Variants in SHANK2 observed in about 807,000 individuals in gnomAD.
SHANK2 encodes the protein SH3 and multiple ankyrin repeat domains 2.
A neutral mutation model predicts 133.7 loss-of-function variants in SHANK2; 43 were observed. That is an observed-to-expected ratio of 0.32 (90% confidence interval 0.25 to 0.41). The LOEUF (loss-of-function observed/expected upper bound fraction) is 0.41. Ranked by LOEUF, SHANK2 falls within the 10% of genes least tolerant of loss-of-function variation. The pLI is 1.00. For synonymous variants in SHANK2, 1,017 were observed against 952.8 expected (o/e 1.07, Z -1.24); for missense variants, 1,994 against 2,235.8 (o/e 0.89, Z 2.18).
intron 12 of SHANK2, among the ~76,000 whole-genome samples, chr11:70,818,618 G>A (rs1453946117): frequency 2.0e-5 from 3 of 152,140 alleles, no homozygotes; most frequent in African/African-American, 7.2e-5. Context: ...GCTTCCCATT[G>A]TTCTCAGCAC....
At chr11:70,857,322 G>C (rs1289556855) in intron 11 of SHANK2, among the ~76,000 whole-genome samples, 1 of 152,180 alleles carries the variant, frequency 6.6e-6, no homozygotes, top group Non-Finnish European at 1.5e-5. Context: ...ACAGGACTTA[G>C]CACCCAGTAA....
intron 2 of SHANK2, among the ~76,000 whole-genome samples, chr11:71,213,145 A>C (rs1387241910): frequency 6.6e-6 from 1 of 152,046 alleles, no homozygotes; most frequent in Non-Finnish European, 1.5e-5. Context: ...GAGGTTCTTT[A>C]CAGAGAACAA....
chr11:71,184,607 A>T (rs1953634579), intron 2 of SHANK2, among the ~76,000 whole-genome samples: 1 of 151,960 alleles, frequency 6.6e-6, no homozygotes, highest in African/African-American at 2.4e-5. Flanking sequence ...CCCTTCTCAA[A>T]CCTGTGGCCA....
chr11:70,740,255 G>C (rs1783614), intron 14 of SHANK2, among the ~76,000 whole-genome samples: 90,234 of 152,158 alleles, frequency 0.59, 28,042 homozygotes, highest in African/African-American at 0.8. Context: ...CTTCTCTGCC[G>C]CTGCAGCCCA....
intron 3 of SHANK2, among the ~76,000 whole-genome samples, chr11:71,123,955 TCA>T (rs1387845514): frequency 6.6e-6 from 1 of 151,968 alleles, no homozygotes. Context: ...CTTAAAGAGT[TCA>T]GTGTCTACAG....
intron 10 of SHANK2, among the ~76,000 whole-genome samples, chr11:70,921,167 A>G (rs1020698177): frequency 6.6e-6 from 1 of 152,244 alleles, no homozygotes; most frequent in Non-Finnish European, 1.5e-5. Context: ...CTAGAGGCAG[A>G]TGAATGCTCC....
In SHANK2 at chr11:70,499,769, A is replaced by G. The variant is rs137981165; in HGVS notation, c.2308+801T>C. ...GCTGGTGCAAGCCCGGGGCTGCTGC[A>G]GAGAGGCCGCTGGGATGACACAGGT... On this transcript the variant is annotated intron_variant, in intron 21 of 25. Coordinates refer to ENST00000601538, the MANE Select transcript of SHANK2 (RefSeq NM_012309.5). 2.8e-4 allele frequency among the ~76,000 whole-genome samples: 42 copies of G among 152,326 alleles called. No homozygotes were observed. The East Asian group carries it at 7.5e-3, about 27-fold the overall frequency.
At chr11:71,150,623 T>A (rs1221469592) in intron 2 of SHANK2, among the ~76,000 whole-genome samples, 5 of 150,350 alleles carry the variant, frequency 3.3e-5, no homozygotes, top group Non-Finnish European at 7.4e-5. Flanking sequence ...ACATGAGGGA[T>A]CCCCCTAGGG....
chr11:70,585,785 T>A (rs1201933594), intron 17 of SHANK2, among the ~76,000 whole-genome samples: 1 of 151,100 alleles, frequency 6.6e-6, no homozygotes, highest in African/African-American at 2.4e-5. Context: ...CCTCTATCCA[T>A]CCATCCACTT....
At chr11:71,060,144 C>T (rs900684033) in intron 9 of SHANK2, among the ~76,000 whole-genome samples, 97 of 152,320 alleles carry the variant, frequency 6.4e-4, no homozygotes, top group East Asian at 5.0e-3. Flanking sequence ...TTCACGGGAA[C>T]ATCCGGCAAT....
intron 15 of SHANK2, among the ~76,000 whole-genome samples, chr11:70,671,259 C>T (rs111402203): frequency 0.012 from 1,901 of 152,188 alleles, 33 homozygotes; most frequent in African/African-American, 0.034. Flanking sequence ...CCTGCCGAGA[C>T]GAACGGAAAC....
intron 3 of SHANK2, among the ~76,000 whole-genome samples, chr11:71,123,880 C>T (rs573582791): frequency 4.3e-4 from 66 of 152,196 alleles, no homozygotes; most frequent in Non-Finnish European, 9.0e-4. Context: ...GCACAGGGTC[C>T]TATACCAGCA....
At position 71,094,912 on chromosome 11, in the gene SHANK2, C is replaced by T. The variant is rs367823207; in HGVS notation, c.593-224G>A. On this transcript the variant is annotated intron_variant, in intron 6 of 25. Coordinates refer to ENST00000601538, the MANE Select transcript of SHANK2 (RefSeq NM_012309.5). ...ACGCAGGGCCACGCGTACAACACAG[C>T]GGTGGCAGAGGCAGGGATTCAACAG... is the stretch of plus-strand genomic sequence containing the variant. Among the ~76,000 whole-genome samples, 122 of 152,352 alleles carry T rather than the reference C, an allele frequency of 8.0e-4. 1 individual carries two copies. Among genetic ancestry groups the T allele is most frequent in the Admixed American group, 4.1e-3 (63 of 15,308 alleles).
At chr11:70,498,469 T>G (rs1259185287) in intron 21 of SHANK2, among the ~76,000 whole-genome samples, 1 of 152,102 alleles carries the variant, frequency 6.6e-6, no homozygotes, top group Non-Finnish European at 1.5e-5. Flanking sequence ...CAGCCATAGG[T>G]GCCTGGTAGG....
chr11:70,495,677 T>C (rs1296370987), intron 21 of SHANK2, among the ~76,000 whole-genome samples: 1 of 152,202 alleles, frequency 6.6e-6, no homozygotes, highest in Non-Finnish European at 1.5e-5. Context: ...GCCCCTCCTC[T>C]GACCCCAGTG....
At chr11:70,814,391 G>A (rs1479862670) in intron 12 of SHANK2, among the ~76,000 whole-genome samples, 1 of 151,704 alleles carries the variant, frequency 6.6e-6, no homozygotes, top group Non-Finnish European at 1.5e-5. Flanking sequence ...CCCCTACTCT[G>A]CCAGCAGGGC....
In SHANK2 at chr11:70,635,689, T is replaced by A. The variant is rs76335623; in HGVS notation, c.2061+24139A>T. Among the ~76,000 whole-genome samples the A allele has an allele frequency of 7.5e-4, 114 of 152,096 alleles. No individual in the cohort carries two copies. In the East Asian group the frequency reaches 0.019, roughly 26 times the overall value. ...CACTGAAATGTATACTTAAAAATGG[T>A]TAAGATGGTAAATTTTACGGTATGT... On this transcript the variant is annotated intron_variant, in intron 17 of 25. Coordinates refer to ENST00000601538, the MANE Select transcript of SHANK2 (RefSeq NM_012309.5).
At chr11:71,085,641 T>C (rs1426204573) in intron 8 of SHANK2, among the ~76,000 whole-genome samples, 10 of 44,582 alleles carry the variant, frequency 2.2e-4, no homozygotes, top group Admixed American at 4.5e-4. Context: ...ATATATATAA[T>C]ATATTATGTT....
chr11:70,862,302 T>C (rs76907029), intron 11 of SHANK2, among the ~76,000 whole-genome samples: 9,927 of 152,244 alleles, frequency 0.065, 601 homozygotes, highest in East Asian at 0.2. Context: ...TGGTCTTTGT[T>C]GAAAGATCCC....
Sources: gnomAD v4.1 joint callset for allele counts (sites outside exome capture counted in the v4.1 genomes callset) on GRCh38, gnomAD v4.1.1 for gene constraint, MANE v1.5 for transcripts, NCBI Gene and HGNC (gene_info 2026-07-23, HGNC 2026-07-21) for gene names.